ROBO2: variants seen among roughly 807,000 people sequenced by gnomAD.
The protein encoded by ROBO2 is roundabout homolog 2.
A neutral mutation model predicts 160.8 loss-of-function variants in ROBO2; 53 were observed. That is an observed-to-expected ratio of 0.33 (90% CI 0.26 to 0.41). The LOEUF (loss-of-function observed/expected upper bound fraction) is 0.41, where lower values mean the gene tolerates loss of function less well. Among genes scored for constraint, ROBO2 ranks in the 10% least tolerant of loss-of-function variants. The pLI, the probability that ROBO2 is intolerant of heterozygous loss-of-function variation, is 1.00. For missense variants in ROBO2, 1,577 were observed against 1,722.4 expected, an observed-to-expected ratio of 0.92 and a Z score of 1.49; for synonymous variants, 664 against 611.7, an observed-to-expected ratio of 1.09 and a Z score of -1.26.
intron 2 of ROBO2, among the ~76,000 whole-genome samples, chr3:77,143,689 T>TA (rs1176712486): frequency 6.6e-6 from 1 of 152,192 alleles, no homozygotes; most frequent in African/African-American, 2.4e-5. Context: ...AGAGAAAATA[T>TA]AGAGTCGAGA....
intron 2 of ROBO2, among the ~76,000 whole-genome samples, chr3:76,162,189 G>A (rs1267072395): frequency 1.3e-5 from 2 of 152,190 alleles, no homozygotes; most frequent in Admixed American, 1.3e-4. Context: ...ACATGGAGAT[G>A]ACCAATGCAT....
intron 2 of ROBO2, among the ~76,000 whole-genome samples, chr3:76,471,774 G>A (rs2078667235): frequency 6.6e-6 from 1 of 152,042 alleles, no homozygotes; most frequent in African/African-American, 2.4e-5. Flanking sequence ...CTGCAGGCTG[G>A]GAAGGCCTCA....
chr3:77,507,324 C>T (rs2088694911), intron 5 of ROBO2, among the ~76,000 whole-genome samples: 1 of 152,178 alleles, frequency 6.6e-6, no homozygotes, highest in South Asian at 2.1e-4. Context: ...ACTTCCCCAG[C>T]TAGTTCTCAG....
intron 2 of ROBO2, among the ~76,000 whole-genome samples, chr3:76,056,828 A>G (rs1381326921): frequency 6.6e-6 from 1 of 152,200 alleles, no homozygotes; most frequent in Non-Finnish European, 1.5e-5. Context: ...CTACCCTATA[A>G]TAGAGGAAAG....
intron 2 of ROBO2, among the ~76,000 whole-genome samples, chr3:77,328,076 A>AAG (rs2065612625): frequency 6.7e-6 from 1 of 149,014 alleles, no homozygotes; most frequent in Non-Finnish European, 1.5e-5. Context: ...AAAAAAAAAA[A>AAG]AAAAGAAAAG....
At chr3:77,518,389 A>G (rs1336508107) in intron 5 of ROBO2, among the ~76,000 whole-genome samples, 1 of 151,548 alleles carries the variant, frequency 6.6e-6, no homozygotes. Context: ...GACTTTCCTC[A>G]GGCAAAGATT....
chr3:76,142,042 A>T (rs1337420576), intron 2 of ROBO2, among the ~76,000 whole-genome samples: 3 of 152,018 alleles, frequency 2.0e-5, no homozygotes, highest in Non-Finnish European at 4.4e-5. Flanking sequence ...AGGGGGTCAG[A>T]CATATAAGAC....
At chr3:76,231,091 T>C (rs1704595703) in intron 2 of ROBO2, among the ~76,000 whole-genome samples, 1 of 152,094 alleles carries the variant, frequency 6.6e-6, no homozygotes, top group Non-Finnish European at 1.5e-5. Context: ...TTCAGAACAA[T>C]GAGATGATGC....
At chr3:77,425,411 G>A (rs769649336) in intron 2 of ROBO2, among the ~76,000 whole-genome samples, 9 of 152,158 alleles carry the variant, frequency 5.9e-5, no homozygotes, top group Admixed American at 2.6e-4. Flanking sequence ...GTCCTCTTTT[G>A]GAGGTGGCCA....
At chr3:75,979,191 G>A (rs914799036) in intron 2 of ROBO2, among the ~76,000 whole-genome samples, 3 of 151,454 alleles carry the variant, frequency 2.0e-5, no homozygotes, top group African/African-American at 7.3e-5. Flanking sequence ...AAAAAGTTAT[G>A]GCAGTGATAA....
At chr3:77,079,080 G>A (rs1313044071) in intron 1 of ROBO2, among the ~76,000 whole-genome samples, 1 of 152,040 alleles carries the variant, frequency 6.6e-6, no homozygotes, top group East Asian at 1.9e-4. Context: ...CTGAGTAGCT[G>A]GGATTACAGG....
chr3:76,767,260 A>G (rs2061625010), intron 2 of ROBO2, among the ~76,000 whole-genome samples: 1 of 151,608 alleles, frequency 6.6e-6, no homozygotes, highest in Non-Finnish European at 1.5e-5. Context: ...AGAATGGATG[A>G]CTTTTACAAT....
intron 2 of ROBO2, among the ~76,000 whole-genome samples, chr3:76,327,766 G>A (rs6548419): frequency 0.83 from 126,494 of 152,132 alleles, 54,986 homozygotes; most frequent in Non-Finnish European, 0.98. Context: ...TTCATATGAT[G>A]TGCAGATTTT....
At chr3:75,986,056 C>A (rs185267464) in intron 2 of ROBO2, among the ~76,000 whole-genome samples, 1 of 151,474 alleles carries the variant, frequency 6.6e-6, no homozygotes, top group Admixed American at 6.6e-5. Context: ...TGGGTATATA[C>A]CTGGATTGGG....
chr3:76,099,679 G>T (rs1338055922), intron 2 of ROBO2, among the ~76,000 whole-genome samples: 1 of 151,950 alleles, frequency 6.6e-6, no homozygotes, highest in African/African-American at 2.4e-5. Context: ...CATTTTAATT[G>T]TTAAAAATCT....
At chr3:77,629,672 TTATA>T in intron 23 of ROBO2, 1 of 152,302 alleles carries the variant, frequency 6.6e-6, no homozygotes, top group East Asian at 1.9e-4. Flanking sequence ...TGTATACTAT[TTATA>T]TAGTGTCATC....
At position 76,748,493 on chromosome 3, in the gene ROBO2, C is replaced by T. The variant is rs1296811383; in HGVS notation, c.110-349521C>T. 1.3e-5 allele frequency among the ~76,000 whole-genome samples: 2 copies of T among 150,238 alleles called. 1 individual carries two copies. Among genetic ancestry groups the T allele is most frequent in the South Asian group, 4.2e-4 (2 of 4,730 alleles). On this transcript the variant is annotated intron_variant, in intron 2 of 26. Transcript: ENST00000487694. ...ATGTATATGTAATTCATATAATATA[C>T]CTGATGTATAAAAAGTTTTAAGGAT...
chr3:76,344,384 T>A (rs2074401186), intron 2 of ROBO2, among the ~76,000 whole-genome samples: 2 of 152,086 alleles, frequency 1.3e-5, no homozygotes, highest in Admixed American at 6.6e-5. Context: ...TGAGAAAAAA[T>A]TTCATGAAGA....
At chr3:77,421,426 T>C (rs2077704986) in intron 2 of ROBO2, among the ~76,000 whole-genome samples, 1 of 152,176 alleles carries the variant, frequency 6.6e-6, no homozygotes, top group Admixed American at 6.6e-5. Context: ...CAATATTGGT[T>C]AACAGAGGGT....
Sources: gnomAD v4.1 joint callset for allele counts (sites outside exome capture counted in the v4.1 genomes callset) on GRCh38, gnomAD v4.1.1 for gene constraint, MANE v1.5 for transcripts, NCBI Gene and HGNC (gene_info 2026-07-23, HGNC 2026-07-21) for gene names.